The following ARSK variants were observed in gnomAD, a reference collection of about 807,000 sequenced individuals.
ARSK encodes arylsulfatase family member K.
In ARSK, 37 loss-of-function variants were observed where a neutral mutation model predicts 53.2. The observed-to-expected ratio is 0.70, with a 90% CI of 0.54 to 0.92. The LOEUF (loss-of-function observed/expected upper bound fraction) is 0.92. Ranked by LOEUF, ARSK falls within the 40% of genes least tolerant of loss-of-function variation. The pLI, the probability that ARSK is intolerant of heterozygous loss-of-function variation, is 0.00. For missense variants in ARSK, 613 were observed against 643.0 expected (o/e 0.95, Z 0.51); for synonymous variants, 208 against 223.2 (o/e 0.93, Z 0.61).
chr5:95,588,715 G>A (rs1028863380), intron 5 of ARSK, among the ~76,000 whole-genome samples: 2 of 151,872 alleles, frequency 1.3e-5, no homozygotes, highest in Non-Finnish European at 2.9e-5. Context: ...TGTAATCCCA[G>A]CACTTTGGGA....
At chr5:95,562,034 G>T (rs1266299913) in intron 1 of ARSK, among the ~76,000 whole-genome samples, 1 of 152,078 alleles carries the variant, frequency 6.6e-6, no homozygotes, top group Non-Finnish European at 1.5e-5. Context: ...GGCCAACATG[G>T]TGAAACCCCA....
intron 1 of ARSK, among the ~76,000 whole-genome samples, chr5:95,558,677 A>G (rs578168117): frequency 2.0e-5 from 3 of 152,362 alleles, no homozygotes; most frequent in South Asian, 2.1e-4. Flanking sequence ...GGCAATCTGA[A>G]TAGACCTATA....
intron 3 of ARSK, among the ~76,000 whole-genome samples, chr5:95,580,005 A>G (rs73777191): frequency 0.18 from 28,072 of 152,202 alleles, 3,772 homozygotes; most frequent in African/African-American, 0.38. Flanking sequence ...AGAGTGTTTG[A>G]GAATCCTTAG....
intron 5 of ARSK, among the ~76,000 whole-genome samples, chr5:95,589,979 C>A (rs1250568690): frequency 6.6e-6 from 1 of 152,062 alleles, no homozygotes; most frequent in Non-Finnish European, 1.5e-5. Flanking sequence ...TTCTAACTGG[C>A]AATTATTTAT....
chr5:95,593,403 C>T (rs1749249830), intron 6 of ARSK, among the ~76,000 whole-genome samples: 1 of 152,184 alleles, frequency 6.6e-6, no homozygotes, highest in Non-Finnish European at 1.5e-5. Context: ...TACAGTGAGC[C>T]CTATTCAATT....
intron 6 of ARSK, among the ~76,000 whole-genome samples, chr5:95,598,917 A>G (rs1749353966): frequency 6.6e-6 from 1 of 152,148 alleles, no homozygotes; most frequent in African/African-American, 2.4e-5. Flanking sequence ...TCCTCGGGAC[A>G]CTGTCTAAAT....
intron 3 of ARSK, among the ~76,000 whole-genome samples, chr5:95,581,206 T>C (rs1307907881): frequency 6.6e-6 from 1 of 152,192 alleles, no homozygotes; most frequent in Non-Finnish European, 1.5e-5. Flanking sequence ...TTAACTTTAT[T>C]TGAGCCATTT....
intron 6 of ARSK, among the ~76,000 whole-genome samples, chr5:95,599,118 G>A (rs114335499): frequency 1.7e-3 from 258 of 152,252 alleles, no homozygotes; most frequent in African/African-American, 5.7e-3. Flanking sequence ...GCCTTGACCA[G>A]TGTTGTTTCC....
chr5:95,581,588 G>T (rs570550709), intron 3 of ARSK, among the ~76,000 whole-genome samples: 4 of 152,216 alleles, frequency 2.6e-5, no homozygotes, highest in Non-Finnish European at 5.9e-5. Flanking sequence ...TGATTGAAAA[G>T]AAAGTACTTT....
At chr5:95,568,133 T>G in intron 3 of ARSK, 84 bp downstream of exon 3, 1 of 1,382,950 alleles carries the variant, frequency 7.2e-7, no homozygotes, top group Non-Finnish European at 9.7e-7. Flanking sequence ...AATTTTTTTA[T>G]TTTTCCACAA....
At chr5:95,559,091 G>A (rs987122945) in intron 1 of ARSK, among the ~76,000 whole-genome samples, 1 of 152,166 alleles carries the variant, frequency 6.6e-6, no homozygotes, top group Non-Finnish European at 1.5e-5. Context: ...GCAGTGAGCC[G>A]AGACGTGCCA....
Position 95,566,051 on chromosome 5 carries a change from C to T in ARSK, c.180C>T (p.Ile60=), listed in dbSNP as rs771637459. Residue 60 remains isoleucine (I), a synonymous_variant, in exon 2 of 8, where the codon ATC becomes ATT. Coordinates refer to ENST00000380009, the MANE Select transcript of ARSK (RefSeq NM_198150.3). The stretch of plus-strand genomic sequence containing the variant: ...GTCAGGTAGTGAAACTTCCTTTTAT[C>T]AACTTTATGAAGACACGTGGGACTT... ...PGSQVVKLPF[I]NFMKTRGTSF... is the part of the protein sequence containing the mutation. 3.2e-5 allele frequency: 51 copies of T among 1,613,248 alleles called. 1 individual carries two copies. Among genetic ancestry groups the T allele is most frequent in the Admixed American group, 2.0e-4 (12 of 59,884 alleles).
chr5:95,557,959 G>A (rs1263535873), intron 1 of ARSK, among the ~76,000 whole-genome samples: 1 of 152,186 alleles, frequency 6.6e-6, no homozygotes, highest in Non-Finnish European at 1.5e-5. Context: ...TGAAAACTTG[G>A]TAAGAATAGC....
Position 95,583,175 on chromosome 5 carries a change from A to T in ARSK, c.676A>T (p.Thr226Ser), listed in dbSNP as rs148967829. The change falls in exon 4 of 8, where the codon ACA becomes TCA. Residue 226 changes from threonine to serine, a missense_variant. Coordinates refer to ENST00000380009, the MANE Select transcript of ARSK (RefSeq NM_198150.3). ...GENFGSSTFH[T>S]SLYWLEKVSH... ...AAATTTTGGATCTTCAACATTTCAC[A>T]CATCTCTTTATTGGCTTGAAAAAGT... is the stretch of plus-strand genomic sequence containing the variant. The T allele has an allele frequency of 2.1e-5, 33 of 1,585,358 alleles. No homozygotes were observed. The highest frequency in any genetic ancestry group is 2.8e-5 in the Non-Finnish European group (32 of 1,161,966).
intron 2 of ARSK, 55 bp downstream of exon 2, chr5:95,566,182 TCA>T: frequency 6.3e-7 from 1 of 1,583,876 alleles, no homozygotes; most frequent in Non-Finnish European, 8.6e-7. Flanking sequence ...GAAAATATAT[TCA>T]CAGTTTAAAA....
intron 6 of ARSK, among the ~76,000 whole-genome samples, chr5:95,592,752 T>A (rs1322597139): frequency 6.6e-6 from 1 of 152,192 alleles, no homozygotes; most frequent in Non-Finnish European, 1.5e-5. Context: ...TTTCACCATG[T>A]TGGCCAGGAT....
At chr5:95,578,668 A>C (rs555474738) in intron 3 of ARSK, among the ~76,000 whole-genome samples, 1 of 152,238 alleles carries the variant, frequency 6.6e-6, no homozygotes, top group South Asian at 2.1e-4. Flanking sequence ...AGTCTGAGAT[A>C]GTTAATCATC....
intron 4 of ARSK, among the ~76,000 whole-genome samples, chr5:95,584,217 C>T (rs1264769134): frequency 6.6e-6 from 1 of 152,142 alleles, no homozygotes; most frequent in Non-Finnish European, 1.5e-5. Context: ...GCTTTGTTGT[C>T]TGTGCATGTA....
chr5:95,577,643 A>G (rs1748947975), intron 3 of ARSK, among the ~76,000 whole-genome samples: 1 of 152,228 alleles, frequency 6.6e-6, no homozygotes, highest in African/African-American at 2.4e-5. Flanking sequence ...AGTTGTAAAT[A>G]TTAGTGCTTC....
Sources: gnomAD v4.1 joint callset for allele counts (sites outside exome capture counted in the v4.1 genomes callset) on GRCh38, gnomAD v4.1.1 for gene constraint, MANE v1.5 for transcripts, NCBI Gene and HGNC (gene_info 2026-07-23, HGNC 2026-07-21) for gene names.